The following CCDC83 variants were observed in gnomAD, a reference collection of about 807,000 sequenced individuals.
CCDC83 encodes the protein coiled-coil domain containing 83, also known as coiled-coil domain-containing protein 83.
In CCDC83, 54 loss-of-function variants were observed where a neutral mutation model predicts 50.1. The ratio of observed to expected loss-of-function variants is 1.08; its 90% CI spans 0.87 to 1.35. The LOEUF is 1.35. Among genes scored for constraint, CCDC83 ranks in the 40% most tolerant of loss-of-function variants. The pLI, the probability that CCDC83 is intolerant of heterozygous loss-of-function variation, is 0.00. For synonymous variants in CCDC83, 161 were observed against 153.3 expected, an observed-to-expected ratio of 1.05 and a Z score of -0.37; for missense variants, 518 against 473.9, an observed-to-expected ratio of 1.09 and a Z score of -0.86.
intron 7 of CCDC83, among the ~76,000 whole-genome samples, chr11:85,910,686 C>A (rs12285109): frequency 1.3e-5 from 2 of 151,982 alleles, no homozygotes; most frequent in South Asian, 4.1e-4. Context: ...TTGAAGGGTA[C>A]AAAAGGACAA....
At chr11:85,892,404 C>T (rs1472914869) in intron 5 of CCDC83, among the ~76,000 whole-genome samples, 1 of 152,164 alleles carries the variant, frequency 6.6e-6, no homozygotes, top group Non-Finnish European at 1.5e-5. Flanking sequence ...CAGAGGCTAA[C>T]AATGAGATTC....
intron 2 of CCDC83, among the ~76,000 whole-genome samples, chr11:85,866,205 G>T (rs937655216): frequency 1.3e-5 from 2 of 152,152 alleles, no homozygotes; most frequent in African/African-American, 4.8e-5. Flanking sequence ...AGAATTAATA[G>T]ATAAGTGTTA....
chr11:85,914,239 G>A (rs1261974908), intron 8 of CCDC83, among the ~76,000 whole-genome samples: 1 of 152,188 alleles, frequency 6.6e-6, no homozygotes, highest in Admixed American at 6.5e-5. Context: ...CCCTAATTTA[G>A]GGGATTCACT....
chr11:85,904,968 T>C (rs913435165), intron 7 of CCDC83, among the ~76,000 whole-genome samples: 1 of 152,164 alleles, frequency 6.6e-6, no homozygotes, highest in Non-Finnish European at 1.5e-5. Context: ...CCAAACTAAC[T>C]AGGATGAATT....
chr11:85,856,558 C>T (rs1011353688), intron 1 of CCDC83, among the ~76,000 whole-genome samples: 7 of 152,086 alleles, frequency 4.6e-5, no homozygotes, highest in African/African-American at 1.7e-4. Flanking sequence ...GATCAGAAGA[C>T]GGACTAATTT....
At chr11:85,915,523 G>T in intron 9 of CCDC83, 25 bp downstream of exon 9, 2 of 1,527,146 alleles carry the variant, frequency 1.3e-6, no homozygotes, top group South Asian at 1.2e-5. Flanking sequence ...CAATAATGAT[G>T]ATGATTTTTT....
At chr11:85,879,673 G>GC (rs1323304404) in intron 3 of CCDC83, among the ~76,000 whole-genome samples, 1 of 151,646 alleles carries the variant, frequency 6.6e-6, no homozygotes, top group African/African-American at 2.4e-5. Flanking sequence ...AAGCTGGAGT[G>GC]CAGTGGCATG....
chr11:85,859,596 G>C (rs956715099), intron 1 of CCDC83, among the ~76,000 whole-genome samples: 5 of 152,176 alleles, frequency 3.3e-5, no homozygotes, highest in Non-Finnish European at 5.9e-5. Flanking sequence ...AATAAATGGT[G>C]CTGGGATAAC....
In CCDC83 at chr11:85,886,075, G is replaced by T. The variant is rs984707358; in HGVS notation, c.344-125G>T. 1.4e-5 allele frequency: 9 copies of T among 644,404 alleles called. No homozygotes were observed. In the Admixed American group the frequency reaches 2.7e-4, roughly 20 times the overall value. The allele number at this position is 644,404 out of a possible 1,614,324, so 39.9% of individuals were successfully genotyped here. On this transcript the variant is annotated intron_variant, in intron 4 of 10. Coordinates refer to ENST00000342404, the MANE Select transcript of CCDC83 (RefSeq NM_001286159.2). ...ATAGTTTAGAATTTCCTAAATTTTA[G>T]ATATAAAATAGTATTTATGAGTTAA...
At position 85,915,513 on chromosome 11, in the gene CCDC83, C is replaced by T; in HGVS notation, c.874+15C>T. On this transcript the variant is annotated intron_variant, in intron 9 of 10. Transcript: ENST00000342404. Reference sequence around the variant, plus strand: ...AACACATATAGGTATTACTTTATTGCAATAATGATGATGATTTTTTTCAAA... The same window carrying T: ...AACACATATAGGTATTACTTTATTGTAATAATGATGATGATTTTTTTCAAA... The T allele has an allele frequency of 5.2e-6, 8 of 1,549,380 alleles. No individual in the cohort carries two copies. Among genetic ancestry groups the T allele is most frequent in the African/African-American group, 1.4e-5 (1 of 72,662 alleles).
intron 10 of CCDC83, 179 bp downstream of exon 10, chr11:85,916,412 C>T: frequency 1.7e-6 from 1 of 598,154 alleles, no homozygotes; most frequent in Non-Finnish European, 3.0e-6. Flanking sequence ...CTACTCTTGC[C>T]CAATTTGCTA....
At chr11:85,912,615 G>A in intron 8 of CCDC83, 3 of 1,292,654 alleles carry the variant, frequency 2.3e-6, no homozygotes, top group Non-Finnish European at 3.4e-6. Context: ...AGTAGGCAAT[G>A]CTCACTTTTG....
intron 4 of CCDC83, among the ~76,000 whole-genome samples, chr11:85,883,275 T>A (rs1384132850): frequency 6.6e-6 from 1 of 151,884 alleles, no homozygotes; most frequent in Admixed American, 6.6e-5. Flanking sequence ...CATAGTAGGG[T>A]TTTGTTCTTT....
At chr11:85,859,350 C>T (rs1000614086) in intron 1 of CCDC83, among the ~76,000 whole-genome samples, 7 of 152,000 alleles carry the variant, frequency 4.6e-5, no homozygotes, top group Non-Finnish European at 1.0e-4. Context: ...CAAAACAGAG[C>T]CCTAATCACC....
chr11:85,913,560 T>C (rs1013438580), intron 8 of CCDC83, among the ~76,000 whole-genome samples: 1 of 152,190 alleles, frequency 6.6e-6, no homozygotes, highest in Non-Finnish European at 1.5e-5. Context: ...AAAATACTAG[T>C]AGGGTGATAA....
intron 2 of CCDC83, among the ~76,000 whole-genome samples, chr11:85,872,908 C>T (rs2093247376): frequency 6.6e-6 from 1 of 151,944 alleles, no homozygotes; most frequent in Non-Finnish European, 1.5e-5. Flanking sequence ...TTTCTGTATG[C>T]CCACTCCTAG....
At chr11:85,889,049 G>A (rs890760283) in intron 5 of CCDC83, among the ~76,000 whole-genome samples, 3 of 152,174 alleles carry the variant, frequency 2.0e-5, no homozygotes, top group Non-Finnish European at 4.4e-5. Context: ...CCATTATCTT[G>A]ATCAGAAGTT....
At chr11:85,910,001 C>CCTGTCCAGT (rs1219525915) in intron 7 of CCDC83, among the ~76,000 whole-genome samples, 6 of 152,174 alleles carry the variant, frequency 3.9e-5, no homozygotes, top group African/African-American at 1.4e-4. Context: ...TCTCCTGCTT[C>CCTGTCCAGT]TCCCCATTCT....
At chr11:85,876,231 C>T (rs1269274317) in intron 3 of CCDC83, among the ~76,000 whole-genome samples, 1 of 152,134 alleles carries the variant, frequency 6.6e-6, no homozygotes, top group African/African-American at 2.4e-5. Flanking sequence ...TTTTTGGGGT[C>T]ATCTCACTTA....
Sources: gnomAD v4.1 joint callset for allele counts (sites outside exome capture counted in the v4.1 genomes callset) on GRCh38, gnomAD v4.1.1 for gene constraint, MANE v1.5 for transcripts, NCBI Gene and HGNC (gene_info 2026-07-23, HGNC 2026-07-21) for gene names.